RC3H1: variants seen among roughly 807,000 people sequenced by gnomAD.
The protein encoded by RC3H1 is ring finger and CCCH-type domains 1.
Under a neutral mutation model 138.2 loss-of-function variants are expected in RC3H1, and 50 were observed. The ratio of observed to expected loss-of-function variants is 0.36; its 90% CI spans 0.29 to 0.46. The LOEUF is 0.46. Ranked by LOEUF, RC3H1 falls within the 20% of genes least tolerant of loss-of-function variation. The probability of loss-of-function intolerance (pLI) is 1.00; values close to 1 mark genes in which losing one functional copy is unlikely to be tolerated. For missense variants in RC3H1, 1,031 were observed against 1,388.1 expected, an observed-to-expected ratio of 0.74 and a Z score of 4.09; for synonymous variants, 462 against 489.1, an observed-to-expected ratio of 0.94 and a Z score of 0.73.
At chr1:173,990,478 A>G (rs1412289333) in intron 2 of RC3H1, among the ~76,000 whole-genome samples, 1 of 151,810 alleles carries the variant, frequency 6.6e-6, no homozygotes, top group African/African-American at 2.4e-5. Context: ...AGCGTATAGA[A>G]ATACAACATA....
At position 173,934,771 on chromosome 1, in the gene RC3H1, G is replaced by T. The variant is rs1036748264; in HGVS notation, c.*3950C>A. 6.6e-6 allele frequency: 1 copy of T among 152,104 alleles called. No individual in the cohort carries two copies. The highest frequency in any genetic ancestry group is 1.9e-4 in the East Asian group (1 of 5,192). 9.4% of individuals were successfully genotyped at this position (152,104 alleles called of 1,614,324 possible). ...AGCAAACTGTCACTGTTGCAGATTG[G>T]GGAGGGCAGTGGGTAAGTCAAGGGG... On this transcript the variant is annotated 3_prime_UTR_variant, in exon 20 of 20. Coordinates refer to ENST00000367696, the MANE Select transcript of RC3H1 (RefSeq NM_172071.4).
intron 13 of RC3H1, 96 bp downstream of exon 13, chr1:173,960,978 GAAA>G (rs1231145825): frequency 1.2e-5 from 14 of 1,214,600 alleles, no homozygotes; most frequent in Non-Finnish European, 1.6e-5. Flanking sequence ...AGGAAAACAG[GAAA>G]AAAAATCTTC....
rs1156723394 is a variant in RC3H1 at position 173,936,757 on chromosome 1, ATATATTTTTTT to A, written c.*1953_*1963del. On this transcript the variant is annotated 3_prime_UTR_variant, in exon 20 of 20. Coordinates refer to ENST00000367696, the MANE Select transcript of RC3H1 (RefSeq NM_172071.4). ...TATATATATATATATATATATATAT[ATATATTTTTTT>A]TTTTTTTTTTAAAAAAAGAAGACAA... The A allele has an allele frequency of 4.1e-4, 12 of 29,264 alleles. No homozygotes were observed. The highest frequency in any genetic ancestry group is 3.2e-3 in the African/African-American group (8 of 2,486). The allele number at this position is 29,264 out of a possible 1,614,324, so 1.8% of individuals were successfully genotyped here.
Position 174,021,877 on chromosome 1 carries a change from T to G in RC3H1, c.-151+219A>C, listed in dbSNP as rs542683068. On this transcript the variant is annotated intron_variant, in intron 1 of 19. Coordinates refer to ENST00000367696, the MANE Select transcript of RC3H1 (RefSeq NM_172071.4). ...ACCCCGACAGGCCCTACAGGCGGCA[T>G]GCAGAGGCCTGAGGCCTAAAGGACG... Among the ~76,000 whole-genome samples the G allele has an allele frequency of 2.0e-5, 3 of 152,276 alleles. No individual in the cohort carries two copies. In the South Asian group the frequency reaches 6.2e-4, roughly 32 times the overall value.
At chr1:173,961,553 T>C (rs1659874266) in intron 12 of RC3H1, among the ~76,000 whole-genome samples, 172 bp downstream of exon 12, 2 of 139,722 alleles carry the variant, frequency 1.4e-5, no homozygotes, top group African/African-American at 6.2e-5. Flanking sequence ...TTTTTTCTCA[T>C]TATATAGTTT....
chr1:173,943,429 C>A lies in RC3H1; in HGVS notation c.3135+13G>T. Reference sequence around the variant, plus strand: ...ATTTCACCTTCCCTCTCTTTCCCCACCATAACACTCACCATACTCAGTTCC... The same window carrying A: ...ATTTCACCTTCCCTCTCTTTCCCCAACATAACACTCACCATACTCAGTTCC... On this transcript the variant is annotated intron_variant, in intron 18 of 19. Coordinates refer to ENST00000367696, the MANE Select transcript of RC3H1 (RefSeq NM_172071.4). 1 of 1,604,884 alleles carries A rather than the reference C, an allele frequency of 6.2e-7. No homozygotes were observed. Among genetic ancestry groups the A allele is most frequent in the Non-Finnish European group, 8.5e-7 (1 of 1,174,424 alleles).
intron 18 of RC3H1, among the ~76,000 whole-genome samples, 190 bp downstream of exon 18, chr1:173,943,252 A>C (rs1180226291): frequency 6.6e-6 from 1 of 152,206 alleles, no homozygotes; most frequent in African/African-American, 2.4e-5. Flanking sequence ...GACAAAGAAC[A>C]CACCCAAACC....
chr1:173,961,336 C>T, intron 12 of RC3H1, 92 bp from the exon 13 acceptor site: 2 of 1,143,726 alleles, frequency 1.7e-6, no homozygotes, highest in Non-Finnish European at 2.5e-6. Flanking sequence ...AGTTATGAAA[C>T]AGCTTGTATA....
chr1:174,013,148 A>G (rs1467815990), intron 1 of RC3H1, among the ~76,000 whole-genome samples: 1 of 152,136 alleles, frequency 6.6e-6, no homozygotes, highest in Non-Finnish European at 1.5e-5. Flanking sequence ...GGAGTAAAGG[A>G]TTTTAAATAA....
chr1:173,946,717 T>C, intron 16 of RC3H1, 29 bp downstream of exon 16: 1 of 1,600,656 alleles, frequency 6.2e-7, no homozygotes, highest in East Asian at 2.2e-5. Flanking sequence ...TTTCTACATG[T>C]TTGTTCAAGT....
At position 173,938,658 on chromosome 1, in the gene RC3H1, C is replaced by T; in HGVS notation, c.*63G>A. ...AGAAAAAGTTTAGAAGTTATGCGTT[C>T]TCCTACCCCTATGCCCGACAAACTG... is the stretch of plus-strand genomic sequence containing the variant. On this transcript the variant is annotated 3_prime_UTR_variant, in exon 20 of 20. Coordinates refer to ENST00000367696, the MANE Select transcript of RC3H1 (RefSeq NM_172071.4). The T allele has an allele frequency of 7.8e-7, 1 of 1,286,326 alleles. No homozygotes were observed. The highest frequency in any genetic ancestry group is 1.1e-6 in the Non-Finnish European group (1 of 939,164). 79.7% of individuals were successfully genotyped at this position (1,286,326 alleles called of 1,614,324 possible). A position where few individuals can be genotyped will look rare whatever the true frequency, so the allele number is the denominator to read the frequency against.
At chr1:173,990,574 A>ATTT (rs1215049942) in intron 2 of RC3H1, among the ~76,000 whole-genome samples, 1 of 140,362 alleles carries the variant, frequency 7.1e-6, no homozygotes, top group Admixed American at 7.0e-5. Flanking sequence ...TATTATTATT[A>ATTT]TTTATTTTTT....
intron 17 of RC3H1, among the ~76,000 whole-genome samples, chr1:173,945,116 T>C (rs1659076704): frequency 1.4e-5 from 2 of 147,682 alleles, no homozygotes; most frequent in Admixed American, 6.7e-5. Flanking sequence ...TAAAAGATTT[T>C]AAAAATTCCT....
At chr1:173,943,320 T>G in intron 18 of RC3H1, 122 bp downstream of exon 18, 1 of 882,346 alleles carries the variant, frequency 1.1e-6, no homozygotes, top group Non-Finnish European at 1.6e-6. Flanking sequence ...ATGAGAATTA[T>G]TTTAAATATT....
intron 18 of RC3H1, among the ~76,000 whole-genome samples, chr1:173,942,428 CAAAAAAAAAA>C (rs60694243): frequency 2.6e-5 from 1 of 38,086 alleles, no homozygotes; most frequent in Non-Finnish European, 4.7e-5. Flanking sequence ...GACTCAGTCT[CAAAAAAAAAA>C]AAAAAAAAAA....
At chr1:174,003,554 C>T (rs1251189342) in intron 1 of RC3H1, among the ~76,000 whole-genome samples, 1 of 152,082 alleles carries the variant, frequency 6.6e-6, no homozygotes, top group Non-Finnish European at 1.5e-5. Context: ...CATCTCTGAC[C>T]TGGATCACTG....
intron 13 of RC3H1, among the ~76,000 whole-genome samples, chr1:173,954,832 C>G (rs889038650): frequency 2.0e-5 from 3 of 151,976 alleles, no homozygotes; most frequent in Non-Finnish European, 4.4e-5. Context: ...AAATTTTCTA[C>G]TTAGGATCTT....
chr1:174,003,215 C>T (rs377742808), intron 1 of RC3H1, among the ~76,000 whole-genome samples: 1 of 151,990 alleles, frequency 6.6e-6, no homozygotes, highest in African/African-American at 2.4e-5. Flanking sequence ...GGTGAAACCC[C>T]GTCTCTACTA....
At chr1:173,950,677 G>A (rs1659356630) in intron 14 of RC3H1, among the ~76,000 whole-genome samples, 1 of 151,900 alleles carries the variant, frequency 6.6e-6, no homozygotes, top group African/African-American at 2.4e-5. Context: ...AGACTTGGGG[G>A]ATTTATACAG....
Sources: gnomAD v4.1 joint callset for allele counts (sites outside exome capture counted in the v4.1 genomes callset) on GRCh38, gnomAD v4.1.1 for gene constraint, MANE v1.5 for transcripts, NCBI Gene and HGNC (gene_info 2026-07-23, HGNC 2026-07-21) for gene names.